TTN: variants seen among roughly 807,000 people sequenced by gnomAD.
TTN encodes titin.
A neutral mutation model predicts 3,223.0 loss-of-function variants in TTN; 1,525 were observed. The observed-to-expected ratio is 0.47, with a 90% confidence interval of 0.45 to 0.49. The LOEUF (loss-of-function observed/expected upper bound fraction) is 0.49. Among genes scored for constraint, TTN ranks in the 20% least tolerant of loss-of-function variants. TTN has a pLI of 0.00. For missense variants in TTN, 40,786 were observed against 43,424.0 expected, an observed-to-expected ratio of 0.94 and a Z score of 5.40; for synonymous variants, 14,094 against 15,161.0, an observed-to-expected ratio of 0.93 and a Z score of 5.17.
intron 47 of TTN, chr2:178,745,857 T>C (rs1252300167): frequency 3.1e-6 from 5 of 1,612,840 alleles, no homozygotes; most frequent in East Asian, 4.5e-5. Flanking sequence ...TTGATAAACC[T>C]GGGAGGCCCT....
chr2:178,710,738 G>A lies in TTN; in HGVS notation c.28359C>T (p.His9453=), dbSNP rs372238447. Residue 9453 remains histidine, a synonymous_variant, in exon 98 of 363, where the codon CAC becomes CAT. Coordinates refer to ENST00000589042, the MANE Select transcript of TTN (RefSeq NM_001267550.2). The part of the protein sequence containing the change: ...YQISYLENSA[H]LTVLKVDKGD... ...CTTTGTCTACTTTGAGGACTGTCAG[G>A]TGGGCGCTGTTTTCCAGATAACTAA... 1.2e-5 allele frequency: 20 copies of A among 1,613,836 alleles called. No individual in the cohort carries two copies. In the Admixed American group the frequency reaches 1.3e-4, roughly 11 times the overall value.
rs1705776785 is a variant in TTN, at chr2:178,566,215, A to T, written c.79917T>A (p.Ile26639=). Residue 26639 remains isoleucine, a synonymous_variant, in exon 326 of 363, where the codon ATT becomes ATA. Transcript: ENST00000589042. The part of the protein sequence containing the change: ...EEGEFTDKVQ[I]EKGVNYTQLS... ...GTTGGGTATAGTTTACTCCCTTTTC[A>T]ATTTGGACCTTATCTGTGAATTCAC... The T allele has an allele frequency of 6.2e-7, 1 of 1,613,496 alleles. No homozygotes were observed. Among genetic ancestry groups the T allele is most frequent in the Non-Finnish European group, 8.5e-7 (1 of 1,179,684 alleles).
Position 178,562,706 on chromosome 2 carries a change from G to A in TTN, c.83426C>T (p.Thr27809Ile), listed in dbSNP as rs922881378. Residue 27809 changes from threonine to isoleucine, a missense_variant, in exon 326 of 363, where the codon ACA becomes ATA. Coordinates refer to ENST00000589042, the MANE Select transcript of TTN (RefSeq NM_001267550.2). The stretch of plus-strand genomic sequence containing the variant: ...TGTAATGGTAGCATAGGCTTTTCTT[G>A]TAGTTTCTCGTTTTTCGACAATGTA... Reference protein sequence around the residue: ...TNYIVEKRETTRKAYATITNN... With the variant: ...TNYIVEKRETIRKAYATITNN... The A allele has an allele frequency of 6.3e-7, 1 of 1,596,176 alleles. No homozygotes were observed. Among genetic ancestry groups the A allele is most frequent in the South Asian group, 1.1e-5 (1 of 87,476 alleles).
chr2:178,800,162 C>T (rs1020543001), intron 4 of TTN, among the ~76,000 whole-genome samples: 1 of 152,186 alleles, frequency 6.6e-6, no homozygotes, highest in Non-Finnish European at 1.5e-5. Flanking sequence ...ATGTAGATCA[C>T]TTAATTGAAA....
At chr2:178,694,728 C>G in intron 116 of TTN, 52 bp from the exon 117 acceptor site, 1 of 1,511,916 alleles carries the variant, frequency 6.6e-7, no homozygotes, top group Non-Finnish European at 8.9e-7. Context: ...TTGCTTTGCA[C>G]AAAATTTAAA....
In TTN at chr2:178,804,405, A is replaced by C. The variant is rs2094214047; in HGVS notation, c.91+147T>G. The C allele has an allele frequency of 3.6e-5, 26 of 724,986 alleles. No individual in the cohort carries two copies. In the South Asian group the frequency reaches 3.9e-4, roughly 11 times the overall value. The allele number at this position is 724,986 out of a possible 1,614,324, so 44.9% of individuals were successfully genotyped here. A position where few individuals can be genotyped will look rare whatever the true frequency, so the allele number is the denominator to read the frequency against. On this transcript the variant is annotated intron_variant, in intron 2 of 362. Coordinates refer to ENST00000589042, the MANE Select transcript of TTN (RefSeq NM_001267550.2). ...TTTGTCAGTACTCTGTGAATGGTATACCCTTAAAATGACCTTTCCATAGTG... is the reference window on the plus strand; with the variant it reads ...TTTGTCAGTACTCTGTGAATGGTATCCCCTTAAAATGACCTTTCCATAGTG...
chr2:178,526,830 A>C lies in TTN; in HGVS notation c.*182T>G. On this transcript the variant is annotated 3_prime_UTR_variant, in exon 363 of 363. Transcript: ENST00000589042. The stretch of plus-strand genomic sequence containing the variant: ...GTATGTACATGTCACTAGCAAATGT[A>C]TTATATTCTTAGGTCAACAATTATG... 1.8e-6 allele frequency: 1 copy of C among 568,218 alleles called. No homozygotes were observed. Among genetic ancestry groups the C allele is most frequent in the Non-Finnish European group, 3.0e-6 (1 of 332,698 alleles). The allele number at this position is 568,218 out of a possible 1,614,324, so 35.2% of individuals were successfully genotyped here. A position where few individuals can be genotyped will look rare whatever the true frequency, so the allele number is the denominator to read the frequency against.
In TTN at chr2:178,610,269, C is replaced by A; in HGVS notation, c.51257G>T (p.Arg17086Leu). Reference protein sequence around the residue: ...GTPILHYVLERREAGRRTYIP... With the variant: ...GTPILHYVLELREAGRRTYIP... ...ATATGTTCTCCTCCCAGCTTCTCTG[C>A]GCTCCAGGACATAATGAAGAATTGG... Residue 17086 changes from arginine to leucine, a missense_variant, in exon 271 of 363, where the codon CGC becomes CTC. By Grantham distance (102) the Arg-to-Leu change is moderately radical. Transcript: ENST00000589042. 1.9e-6 allele frequency: 3 copies of A among 1,612,938 alleles called. No homozygotes were observed. Among genetic ancestry groups the A allele is most frequent in the South Asian group, 2.2e-5 (2 of 91,058 alleles).
In TTN at chr2:178,571,032, C is replaced by T. The variant is rs781442397; in HGVS notation, c.75100G>A (p.Gly25034Ser). ...TLQWKKPTYD[G>S]GSKITGYIVE... The stretch of plus-strand genomic sequence containing the variant: ...ATATAACCAGTGATCTTGCTTCCAC[C>T]GTCATAGGTGGGTTTCTTCCACTGA... Residue 25034 changes from glycine to serine, a missense_variant, in exon 326 of 363, where the codon GGT becomes AGT. By Grantham distance (56) the Gly-to-Ser change is moderately conservative. Transcript: ENST00000589042. The T allele has an allele frequency of 3.1e-6, 5 of 1,612,006 alleles. No homozygotes were observed. The highest frequency in any genetic ancestry group is 2.2e-5 in the East Asian group (1 of 44,798).
rs1472786496 is a variant in TTN, at chr2:178,634,045, T to C, written c.42454A>G (p.Thr14152Ala). ...GTTGCTGTTTCACCTTCTTTTACTG[T>C]TTGATCTTCAAGAGGTGACATGAAT... ...LKFMSPLEDQ[T>A]VKEGETATFV... The change falls in exon 231 of 363, where the codon ACA (threonine) becomes GCA (alanine). Residue 14152 changes from threonine to alanine, a missense_variant. Coordinates refer to ENST00000589042, the MANE Select transcript of TTN (RefSeq NM_001267550.2). This position sits in a 1 kb window ranked among gnomAD's most constrained non-coding sequence, Gnocchi z 4.6. 6.2e-7 allele frequency: 1 copy of C among 1,613,164 alleles called. No individual in the cohort carries two copies. The highest frequency in any genetic ancestry group is 1.3e-5 in the African/African-American group (1 of 75,004).
rs751090506 is a variant in TTN, at chr2:178,723,896, G to A, written c.21363C>T (p.Val7121=). 11 of 1,613,000 alleles carry A rather than the reference G, an allele frequency of 6.8e-6. No individual in the cohort carries two copies. The highest frequency in any genetic ancestry group is 3.3e-5 in the Admixed American group (2 of 59,954). The change falls in exon 73 of 363, where the codon GTC becomes GTT. Residue 7121 remains valine (V), a synonymous_variant. Transcript: ENST00000589042. ...MGNYTCVAAN[V]AGSDECRAVL... ...CTGCACGACATTCATCAGACCCAGC[G>A]ACATTAGCAGCCACGCATGTGTAAT...
Position 178,741,766 on chromosome 2 carries a change from T to A in TTN, c.11467A>T (p.Ile3823Phe), listed in dbSNP as rs1233837931. ...SEKEGTGPIFIKEVSNADISM... is the reference protein window; with the variant it reads ...SEKEGTGPIFFKEVSNADISM... ...ATATCAGCATTTGACACTTCTTTGA[T>A]GAAAATTGGGCCAGTGCCTTCCTTT... The change falls in exon 48 of 363, where the codon ATC becomes TTC. Residue 3823 changes from isoleucine to phenylalanine, a missense_variant. Physicochemically the swap from Ile to Phe is conservative, Grantham distance 21 (BLOSUM62 0). Coordinates refer to ENST00000589042, the MANE Select transcript of TTN (RefSeq NM_001267550.2). The A allele has an allele frequency of 6.2e-7, 1 of 1,613,622 alleles. No homozygotes were observed. The highest frequency in any genetic ancestry group is 8.5e-7 in the Non-Finnish European group (1 of 1,179,724).
intron 150 of TTN, among the ~76,000 whole-genome samples, chr2:178,674,629 TG>T (rs976617523): frequency 1.5e-4 from 22 of 151,214 alleles, no homozygotes; most frequent in Admixed American, 5.3e-4. Flanking sequence ...AAATTATTAT[TG>T]TTTTTTTTTT....
At position 178,576,403 on chromosome 2, in the gene TTN, T is replaced by C; in HGVS notation, c.69729A>G (p.Pro23243=). 1 of 1,568,950 alleles carries C rather than the reference T, an allele frequency of 6.4e-7. No individual in the cohort carries two copies. The highest frequency in any genetic ancestry group is 1.2e-5 in the South Asian group (1 of 83,086). ...LMKDAAYPPG[P]PSNPHVTDTT... ...TATCAGTGACATGCGGATTTGAAGG[T>C]GGTCCTGGAGGATCTGAGAAAGAAA... is the stretch of plus-strand genomic sequence containing the variant. Residue 23243 remains proline (P), a synonymous_variant, in exon 326 of 363, where the codon CCA becomes CCG. Transcript: ENST00000589042. The surrounding 1 kb of genome is among the most constrained non-coding windows in gnomAD (Gnocchi z 4.3).
chr2:178,534,644 C>A lies in TTN; in HGVS notation c.101971G>T (p.Val33991Phe), dbSNP rs1423532628. Residue 33991 changes from valine to phenylalanine, a missense_variant, in exon 358 of 363, where the codon GTT (valine) becomes TTT (phenylalanine). Coordinates refer to ENST00000589042, the MANE Select transcript of TTN (RefSeq NM_001267550.2). ...CACATGTCTGTGGCTGTGCTGACAA[C>A]ATCATGCTGGTGGACTTCAGGTGCA... ...YYAPEVHQHDVVSTATDMWSL... is the reference protein window; with the variant it reads ...YYAPEVHQHDFVSTATDMWSL... 1.9e-6 allele frequency: 3 copies of A among 1,613,642 alleles called. No homozygotes were observed. In the South Asian group the frequency reaches 3.3e-5, roughly 18 times the overall value.
rs775969407 is a variant in TTN at position 178,773,747 on chromosome 2, A to G, written c.7331-22T>C. 5 of 1,614,056 alleles carry G rather than the reference A, an allele frequency of 3.1e-6. No individual in the cohort carries two copies. In the East Asian group the frequency reaches 1.1e-4, roughly 36 times the overall value. ...ACACCTGCAAAATCATACACACACA[A>G]GATGAATGAATTTTGTTGAAATTGT... On this transcript the variant is annotated intron_variant, in intron 31 of 362. Coordinates refer to ENST00000589042, the MANE Select transcript of TTN (RefSeq NM_001267550.2).
In TTN at chr2:178,775,737, T is replaced by C. The variant is rs977671605; in HGVS notation, c.6127A>G (p.Lys2043Glu). ...TTCTTTTCCTCTTCAGTTAACTCTT[T>C]GGTCCAGTGGAGAAGTTCATCTTTT... ...KTKDELLHWT[K>E]ELTEEEKKAL... The change falls in exon 28 of 363, where the codon AAA (lysine) becomes GAA (glutamate). Residue 2043 changes from lysine to glutamate, a missense_variant. Physicochemically the swap from Lys to Glu is moderately conservative, Grantham distance 56. Coordinates refer to ENST00000589042, the MANE Select transcript of TTN (RefSeq NM_001267550.2). 6.2e-7 allele frequency: 1 copy of C among 1,613,974 alleles called. No individual in the cohort carries two copies. Among genetic ancestry groups the C allele is most frequent in the African/African-American group, 1.3e-5 (1 of 74,906 alleles).
chr2:178,740,926 A>G lies in TTN; in HGVS notation c.12307T>C (p.Leu4103=), dbSNP rs587780988. 5 of 1,613,944 alleles carry G rather than the reference A, an allele frequency of 3.1e-6. No homozygotes were observed. The highest frequency in any genetic ancestry group is 2.2e-5 in the East Asian group (1 of 44,858). ...SYEHIAKANE[L]SSQLPLGAQE... ...GCTCCCAAAGGAAGCTGACTGCTCA[A>G]TTCATTGGCTTTAGCAATATGCTCA... The change falls in exon 48 of 363, where the codon TTG becomes CTG. Residue 4103 remains leucine (L), a synonymous_variant. Transcript: ENST00000589042.
In TTN at chr2:178,621,681, A is replaced by G. The variant is rs727505261; in HGVS notation, c.45143T>C (p.Ile15048Thr). 19 of 1,612,120 alleles carry G rather than the reference A, an allele frequency of 1.2e-5. No homozygotes were observed. The highest frequency in any genetic ancestry group is 2.2e-5 in the East Asian group (1 of 44,612). ...TTTGGAGACTTCACAAACCAGTTTT[A>G]TAGTGTCTGTTTCACTAACTTCAAT... ...ANIEVSETDTIKLVCEVSKPG... is the reference protein window; with the variant it reads ...ANIEVSETDTTKLVCEVSKPG... Residue 15048 changes from isoleucine (I) to threonine (T), a missense_variant, in exon 245 of 363, where the codon ATA (isoleucine) becomes ACA (threonine). Ile to Thr is a moderately conservative substitution (Grantham distance 89). Coordinates refer to ENST00000589042, the MANE Select transcript of TTN (RefSeq NM_001267550.2).
Sources: allele counts gnomAD v4.1 joint callset (sites outside exome capture counted in the v4.1 genomes callset), GRCh38; gene constraint gnomAD v4.1.1; non-coding constraint Gnocchi (gnomAD v3.1); transcripts MANE v1.5; gene names NCBI Gene and HGNC (gene_info 2026-07-23, HGNC 2026-07-21).